The following RUNX2 variants were observed in gnomAD, a reference collection of about 807,000 sequenced individuals.
The protein encoded by RUNX2 is runt-related transcription factor 2.
Under a neutral mutation model 51.7 loss-of-function variants are expected in RUNX2, and 10 were observed. The observed-to-expected ratio is 0.19, with a 90% CI of 0.12 to 0.33. The LOEUF (loss-of-function observed/expected upper bound fraction) is 0.33, where lower values mean the gene tolerates loss of function less well. RUNX2 is among the 10% of genes least tolerant of loss of function. The pLI, the probability that RUNX2 is intolerant of heterozygous loss-of-function variation, is 1.00. For synonymous variants in RUNX2, 276 were observed against 273.6 expected (o/e 1.01, Z -0.09); for missense variants, 562 against 691.3 (o/e 0.81, Z 2.10).
At chr6:45,354,284 C>T (rs1792673135) in intron 2 of RUNX2, among the ~76,000 whole-genome samples, 1 of 151,858 alleles carries the variant, frequency 6.6e-6, no homozygotes, top group Non-Finnish European at 1.5e-5. Context: ...GATATACACA[C>T]AATGAAATAA....
chr6:45,456,083 T>G (rs149318062), intron 5 of RUNX2, among the ~76,000 whole-genome samples: 1 of 152,144 alleles, frequency 6.6e-6, no homozygotes, highest in Non-Finnish European at 1.5e-5. Flanking sequence ...TACAGGAAGA[T>G]CTGTTGTAAA....
At position 45,439,655 on chromosome 6, in the gene RUNX2, G is replaced by A. The variant is rs559774289; in HGVS notation, c.685+1604G>A. On this transcript the variant is annotated intron_variant, in intron 5 of 8. Coordinates refer to ENST00000647337, the MANE Select transcript of RUNX2 (RefSeq NM_001024630.4). ...CTCAGTTCTTGGAAAAACCATTTGC[G>A]TGTGTTTGTGTGCGTGTGTGTGTGT... Among the ~76,000 whole-genome samples the A allele has an allele frequency of 9.2e-5, 14 of 152,016 alleles. No homozygotes were observed. In the South Asian group the frequency reaches 1.9e-3, roughly 20 times the overall value.
chr6:45,492,749 G>A (rs1464524636), intron 6 of RUNX2, among the ~76,000 whole-genome samples: 1 of 152,174 alleles, frequency 6.6e-6, no homozygotes, highest in Non-Finnish European at 1.5e-5. Context: ...CACATTTGGT[G>A]CATTAAGACC....
At chr6:45,423,782 C>T (rs1175241222) in intron 3 of RUNX2, among the ~76,000 whole-genome samples, 1 of 152,192 alleles carries the variant, frequency 6.6e-6, no homozygotes, top group Non-Finnish European at 1.5e-5. Context: ...CGTCCGCAAG[C>T]CCCGAAGCGG....
chr6:45,454,681 T>C (rs989518911), intron 5 of RUNX2, among the ~76,000 whole-genome samples: 6 of 152,194 alleles, frequency 3.9e-5, no homozygotes, highest in Non-Finnish European at 8.8e-5. Context: ...TATTTATCTA[T>C]GTATGTGTGT....
intron 7 of RUNX2, among the ~76,000 whole-genome samples, chr6:45,540,884 G>A (rs911010708): frequency 4.6e-5 from 7 of 152,184 alleles, no homozygotes; most frequent in African/African-American, 1.7e-4. Flanking sequence ...AGAGGCATCC[G>A]TTTACTAGTG....
At chr6:45,341,001 A>AT (rs1789663545) in intron 2 of RUNX2, among the ~76,000 whole-genome samples, 1 of 152,198 alleles carries the variant, frequency 6.6e-6, no homozygotes, top group Non-Finnish European at 1.5e-5. Flanking sequence ...ACTTCTAATT[A>AT]TAATTTCTTA....
chr6:45,336,261 G>A (rs1383852758), intron 2 of RUNX2, among the ~76,000 whole-genome samples: 1 of 151,392 alleles, frequency 6.6e-6, no homozygotes, highest in Non-Finnish European at 1.5e-5. Context: ...AATGAGTACT[G>A]TCACGAAAGC....
At position 45,509,488 on chromosome 6, in the gene RUNX2, C is replaced by T. The variant is rs546548634; in HGVS notation, c.860-2758C>T. 4.6e-5 allele frequency among the ~76,000 whole-genome samples: 7 copies of T among 152,284 alleles called. No individual in the cohort carries two copies. The East Asian group carries it at 9.6e-4, about 21-fold the overall frequency. ...GGCCTAAAAGTTTAAGTGATATGCT[C>T]AGCACAGCAGGGAGGTTTAACTGAA... is the stretch of plus-strand genomic sequence containing the variant. On this transcript the variant is annotated intron_variant, in intron 6 of 8. Transcript: ENST00000647337.
chr6:45,535,114 A>T (rs2150442628), intron 7 of RUNX2, among the ~76,000 whole-genome samples: 1 of 152,246 alleles, frequency 6.6e-6, no homozygotes, highest in South Asian at 2.1e-4. Context: ...GGGAGGAGGG[A>T]GAGGATCAGG....
At chr6:45,500,889 G>T (rs1030828753) in intron 6 of RUNX2, among the ~76,000 whole-genome samples, 3 of 152,168 alleles carry the variant, frequency 2.0e-5, no homozygotes, top group South Asian at 4.1e-4. Context: ...TTTCCCATGT[G>T]GGGGAATGTC....
At chr6:45,331,410 A>G (rs1452505227) in intron 2 of RUNX2, among the ~76,000 whole-genome samples, 2 of 152,008 alleles carry the variant, frequency 1.3e-5, no homozygotes, top group Non-Finnish European at 1.5e-5. Flanking sequence ...ATTGTGGTCC[A>G]TATCAATAAT....
At chr6:45,370,285 C>T (rs1795840372) in intron 2 of RUNX2, among the ~76,000 whole-genome samples, 1 of 152,018 alleles carries the variant, frequency 6.6e-6, no homozygotes, top group African/African-American at 2.4e-5. Context: ...TGATGGATTA[C>T]ACGTGGGGTG....
At chr6:45,415,534 G>C (rs1297156326) in intron 2 of RUNX2, among the ~76,000 whole-genome samples, 1 of 152,194 alleles carries the variant, frequency 6.6e-6, no homozygotes, top group Non-Finnish European at 1.5e-5. Flanking sequence ...AGGGGAGGGT[G>C]CTGGGGGAAA....
At chr6:45,517,664 G>A (rs987483129) in intron 7 of RUNX2, among the ~76,000 whole-genome samples, 1 of 152,046 alleles carries the variant, frequency 6.6e-6, no homozygotes, top group South Asian at 2.1e-4. Flanking sequence ...AACTGCACAG[G>A]ACTATTGAAG....
chr6:45,527,264 T>C (rs1200401903), intron 7 of RUNX2, among the ~76,000 whole-genome samples: 2 of 152,206 alleles, frequency 1.3e-5, no homozygotes, highest in Non-Finnish European at 2.9e-5. Context: ...GCAGGGCCAC[T>C]ACAGGTCAAG....
chr6:45,453,553 C>T (rs547850293), intron 5 of RUNX2, among the ~76,000 whole-genome samples: 1 of 152,218 alleles, frequency 6.6e-6, no homozygotes, highest in Non-Finnish European at 1.5e-5. Context: ...AAACCAGTCT[C>T]CCTTTCCTTA....
chr6:45,488,860 C>T (rs1261066619), intron 5 of RUNX2, among the ~76,000 whole-genome samples: 1 of 152,172 alleles, frequency 6.6e-6, no homozygotes, highest in African/African-American at 2.4e-5. Context: ...GTCCTCACTG[C>T]ACTATGACAG....
chr6:45,407,022 TA>T (rs1325612088), intron 2 of RUNX2, among the ~76,000 whole-genome samples: 1 of 152,180 alleles, frequency 6.6e-6, no homozygotes, highest in Non-Finnish European at 1.5e-5. Flanking sequence ...AATAAAACAT[TA>T]TCCTTACCTG....
Sources: allele counts gnomAD v4.1 joint callset (sites outside exome capture counted in the v4.1 genomes callset), GRCh38; gene constraint gnomAD v4.1.1; transcripts MANE v1.5; gene names NCBI Gene and HGNC (gene_info 2026-07-23, HGNC 2026-07-21).